The following UBE3A variants were observed in gnomAD, a reference collection of about 807,000 sequenced individuals.
UBE3A encodes ubiquitin protein ligase E3A, also known as ubiquitin-protein ligase E3A.
Under a neutral mutation model 83.4 loss-of-function variants are expected in UBE3A, and 6 were observed. The observed-to-expected ratio is 0.07, with a 90% CI of 0.04 to 0.14. The LOEUF (loss-of-function observed/expected upper bound fraction) is 0.14. Among genes scored for constraint, UBE3A ranks in the 10% least tolerant of loss-of-function variants. The pLI, the probability that UBE3A is intolerant of heterozygous loss-of-function variation, is 1.00. For synonymous variants in UBE3A, 337 were observed against 355.4 expected, an observed-to-expected ratio of 0.95 and a Z score of 0.58; for missense variants, 456 against 1,036.1, an observed-to-expected ratio of 0.44 and a Z score of 7.69.
At chr15:25,382,319 T>A (rs1393733787) in intron 4 of UBE3A, among the ~76,000 whole-genome samples, 4 of 147,126 alleles carry the variant, frequency 2.7e-5, no homozygotes, top group Non-Finnish European at 4.5e-5. Context: ...AGACTCTGTC[T>A]CAAAAAAAAA....
At chr15:25,425,789 C>G (rs1325400223) in intron 1 of UBE3A, among the ~76,000 whole-genome samples, 1 of 152,144 alleles carries the variant, frequency 6.6e-6, no homozygotes, top group Non-Finnish European at 1.5e-5. Flanking sequence ...GGTGGGGCAA[C>G]TACCACAAAA....
intron 8 of UBE3A, among the ~76,000 whole-genome samples, chr15:25,356,439 CAA>C (rs976365348): frequency 2.0e-5 from 3 of 152,156 alleles, no homozygotes; most frequent in African/African-American, 7.2e-5. Context: ...AAAACACAAA[CAA>C]AATGTTTAGA....
Position 25,336,389 on chromosome 15 carries a change from T to C in UBE3A, c.*2748A>G, listed in dbSNP as rs1463550851. On this transcript the variant is annotated 3_prime_UTR_variant, in exon 13 of 13. Coordinates refer to ENST00000648336, the MANE Select transcript of UBE3A (RefSeq NM_130839.5). Reference sequence around the variant, plus strand: ...GTTTGTATGGAATTCTTGAGAAAAATTCCTCGAAGGGGCCTGAAATCTCAG... The same window carrying C: ...GTTTGTATGGAATTCTTGAGAAAAACTCCTCGAAGGGGCCTGAAATCTCAG... 6.6e-6 allele frequency: 1 copy of C among 152,102 alleles called. No individual in the cohort carries two copies. The highest frequency in any genetic ancestry group is 6.5e-5 in the Admixed American group (1 of 15,268). The allele number at this position is 152,102 out of a possible 1,614,324, so 9.4% of individuals were successfully genotyped here. A position where few individuals can be genotyped will look rare whatever the true frequency, so the allele number is the denominator to read the frequency against.
Position 25,338,314 on chromosome 15 carries a change from AAACAACAACGAG to A in UBE3A, c.*811_*822del, listed in dbSNP as rs1752955258. On this transcript the variant is annotated 3_prime_UTR_variant, in exon 13 of 13. Coordinates refer to ENST00000648336, the MANE Select transcript of UBE3A (RefSeq NM_130839.5). ...AAATGCACTTTCCCCAGTAAACTTAAAACAACAACGAGAACAACAAGAACAAAAATCCCTGTC... is the reference window on the plus strand; with the variant it reads ...AAATGCACTTTCCCCAGTAAACTTAAAACAACAAGAACAAAAATCCCTGTC... 6.6e-5 allele frequency: 10 copies of A among 150,858 alleles called. No homozygotes were observed. The Admixed American group carries it at 6.8e-4, about 10-fold the overall frequency. The allele number at this position is 150,858 out of a possible 1,614,324, so 9.3% of individuals were successfully genotyped here.
intron 11 of UBE3A, chr15:25,353,997 C>G (rs926686195): frequency 3.3e-6 from 1 of 304,930 alleles, no homozygotes; most frequent in Non-Finnish European, 6.2e-6. Flanking sequence ...AGCCATGTAA[C>G]AGTTCACAAA....
chr15:25,439,026 G>C (rs1004192171), upstream of UBE3A: 6 of 151,988 alleles, frequency 3.9e-5, no homozygotes, highest in Non-Finnish European at 5.9e-5. Context: ...GGGAGGACTG[G>C]CTGGGCGGGC....
intron 7 of UBE3A, among the ~76,000 whole-genome samples, chr15:25,359,917 T>C (rs928334655): frequency 2.0e-5 from 3 of 152,082 alleles, no homozygotes; most frequent in African/African-American, 4.8e-5. Context: ...CCCCAAGAAA[T>C]CTTATAGCAA....
intron 4 of UBE3A, among the ~76,000 whole-genome samples, chr15:25,381,398 A>T (rs2082147005): frequency 6.6e-6 from 1 of 152,252 alleles, no homozygotes; most frequent in South Asian, 2.1e-4. Context: ...AAGTAAGATT[A>T]GAATTACAAT....
At chr15:25,390,927 C>G (rs934145878) in intron 4 of UBE3A, among the ~76,000 whole-genome samples, 1 of 148,564 alleles carries the variant, frequency 6.7e-6, no homozygotes, top group African/African-American at 2.5e-5. Context: ...TTCTGTGAAC[C>G]TAGAACTCCT....
At chr15:25,345,581 C>CAT (rs1301826666) in intron 11 of UBE3A, 1 of 152,044 alleles carries the variant, frequency 6.6e-6, no homozygotes, top group African/African-American at 2.4e-5. Flanking sequence ...CACACACACA[C>CAT]ACACACACAA....
intron 11 of UBE3A, among the ~76,000 whole-genome samples, chr15:25,345,175 C>T (rs2075460557): frequency 6.6e-6 from 1 of 152,092 alleles, no homozygotes. Context: ...ACACTGCCAA[C>T]CCACTGGAAA....
At chr15:25,391,717 G>C (rs7175773) in intron 4 of UBE3A, 18,120 of 152,142 alleles carry the variant, frequency 0.12, 1,151 homozygotes, top group Middle Eastern at 0.23. Context: ...AAGTCTCTAA[G>C]AGAAGGAAGA....
chr15:25,423,439 C>T (rs1890402578), intron 1 of UBE3A, among the ~76,000 whole-genome samples: 1 of 152,088 alleles, frequency 6.6e-6, no homozygotes, highest in African/African-American at 2.4e-5. Flanking sequence ...TAGGAATCTA[C>T]CTTACAGAAA....
At chr15:25,398,820 T>TATAC (rs2086379411) in intron 4 of UBE3A, among the ~76,000 whole-genome samples, 6 of 127,164 alleles carry the variant, frequency 4.7e-5, no homozygotes, top group East Asian at 2.2e-4. Flanking sequence ...TATATAAAAA[T>TATAC]ACATATATAT....
chr15:25,427,852 G>A (rs1214919384), intron 1 of UBE3A, among the ~76,000 whole-genome samples: 5 of 146,662 alleles, frequency 3.4e-5, no homozygotes, highest in African/African-American at 7.5e-5. Flanking sequence ...TAATTAGGAC[G>A]AATAGACTTT....
intron 4 of UBE3A, among the ~76,000 whole-genome samples, chr15:25,378,975 T>G (rs887569694): frequency 2.4e-4 from 36 of 152,146 alleles, no homozygotes; most frequent in African/African-American, 8.2e-4. Context: ...GAATAAACCT[T>G]AACAGTTAAG....
At position 25,356,069 on chromosome 15, in the gene UBE3A, A is replaced by G. The variant is rs1165424260; in HGVS notation, c.1960-13T>C. ...TCTGATATAGAACCTAGCAACCAGAAATGGTAAATTGAGGCCACCATAGAA... is the reference window on the plus strand; with the variant it reads ...TCTGATATAGAACCTAGCAACCAGAGATGGTAAATTGAGGCCACCATAGAA... On this transcript the variant is annotated splice_polypyrimidine_tract_variant and intron_variant, in intron 8 of 12. Transcript: ENST00000648336. The G allele has an allele frequency of 6.2e-7, 1 of 1,613,582 alleles. No homozygotes were observed. Among genetic ancestry groups the G allele is most frequent in the Non-Finnish European group, 8.5e-7 (1 of 1,179,708 alleles).
rs761085385 is a variant in UBE3A, at chr15:25,371,564, A to G, written c.610T>C (p.Ser204Pro). 2.5e-6 allele frequency: 4 copies of G among 1,614,128 alleles called. No individual in the cohort carries two copies. In the South Asian group the frequency reaches 4.4e-5, roughly 18 times the overall value. Residue 204 changes from serine (S) to proline (P), a missense_variant, in exon 6 of 13, where the codon TCA becomes CCA. This residue lies in a region of UBE3A where 42 missense variants were observed against 41.8 expected (regional missense o/e 1.00). Coordinates refer to ENST00000648336, the MANE Select transcript of UBE3A (RefSeq NM_130839.5). This position sits in a 1 kb window ranked among gnomAD's most constrained non-coding sequence, Gnocchi z 5.3. ...CCTATCCTTGAGGAAGATGCTTCTGAGTCTTCTTCCATAGCAGCAGCAGAA... is the reference window on the plus strand; with the variant it reads ...CCTATCCTTGAGGAAGATGCTTCTGGGTCTTCTTCCATAGCAGCAGCAGAA... Reference protein sequence around the residue: ...ACSAAAMEEDSEASSSRIGDS... With the variant: ...ACSAAAMEEDPEASSSRIGDS...
At chr15:25,427,719 G>A (rs1303478403) in intron 1 of UBE3A, among the ~76,000 whole-genome samples, 2 of 149,782 alleles carry the variant, frequency 1.3e-5, no homozygotes, top group East Asian at 3.9e-4. Context: ...TGAGGCCAGG[G>A]GGTTCAAGGA....
Sources: allele counts gnomAD v4.1 joint callset (sites outside exome capture counted in the v4.1 genomes callset), GRCh38; gene constraint gnomAD v4.1.1; regional missense constraint gnomAD v4.1.1; non-coding constraint Gnocchi (gnomAD v3.1); transcripts MANE v1.5; gene names NCBI Gene and HGNC (gene_info 2026-07-23, HGNC 2026-07-21).